Variants in SLC22A23 observed in about 807,000 individuals in gnomAD.
SLC22A23 encodes the protein solute carrier family 22 member 23.
Under a neutral mutation model 61.0 loss-of-function variants are expected in SLC22A23, and 26 were observed. That is an observed-to-expected ratio of 0.43 (90% confidence interval 0.31 to 0.59). SLC22A23 has a LOEUF of 0.59. SLC22A23 is among the 20% of genes least tolerant of loss of function. SLC22A23 has a pLI of 0.11. For synonymous variants in SLC22A23, 430 were observed against 413.9 expected (o/e 1.04, Z -0.47); for missense variants, 796 against 934.7 (o/e 0.85, Z 1.94).
At chr6:3,279,929 C>A (rs1199071816) in intron 9 of SLC22A23, among the ~76,000 whole-genome samples, 9 of 152,124 alleles carry the variant, frequency 5.9e-5, no homozygotes, top group Non-Finnish European at 1.3e-4. Context: ...CTAGAAATGG[C>A]AAACTTCATT....
At chr6:3,311,484 C>A (rs1166516602) in intron 4 of SLC22A23, among the ~76,000 whole-genome samples, 1 of 152,128 alleles carries the variant, frequency 6.6e-6, no homozygotes, top group African/African-American at 2.4e-5. Flanking sequence ...AACTTTTGCA[C>A]AAAATATAAG....
intron 1 of SLC22A23, among the ~76,000 whole-genome samples, chr6:3,436,708 CT>C (rs1462714788): frequency 6.6e-6 from 1 of 152,236 alleles, no homozygotes; most frequent in Non-Finnish European, 1.5e-5. Context: ...TCCAAGCACA[CT>C]CACAGATCCA....
chr6:3,344,771 C>T (rs1764330361), intron 3 of SLC22A23, among the ~76,000 whole-genome samples: 1 of 152,190 alleles, frequency 6.6e-6, no homozygotes, highest in East Asian at 1.9e-4. Flanking sequence ...ACATTTTGGT[C>T]CTTATAATTT....
rs1330148797 is a variant in SLC22A23, at chr6:3,329,558, G to T, written c.914-5556C>A. 6.6e-6 allele frequency among the ~76,000 whole-genome samples: 1 copy of T among 152,174 alleles called. No homozygotes were observed. Among genetic ancestry groups the T allele is most frequent in the Non-Finnish European group, 1.5e-5 (1 of 68,036 alleles). On this transcript the variant is annotated intron_variant, in intron 3 of 9. Transcript: ENST00000406686. The surrounding 1 kb of genome is among the most constrained non-coding windows in gnomAD (Gnocchi z 4.8). ...TGCCATGCAGGGTATGGGATGAGGC[G>T]CCCGCTCTGGCCTAGAGGTGGGGGT...
chr6:3,325,561 C>G (rs747134930), intron 3 of SLC22A23, among the ~76,000 whole-genome samples: 1 of 152,226 alleles, frequency 6.6e-6, no homozygotes, highest in Non-Finnish European at 1.5e-5. Context: ...ATGGCTCACT[C>G]TCAGCCATTT....
rs888533085 is a variant in SLC22A23, at chr6:3,410,871, C to T, written c.759-529G>A. 1.2e-4 allele frequency among the ~76,000 whole-genome samples: 18 copies of T among 152,206 alleles called. No individual in the cohort carries two copies. Among genetic ancestry groups the T allele is most frequent in the African/African-American group, 4.1e-4 (17 of 41,458 alleles). On this transcript the variant is annotated intron_variant, in intron 2 of 9. Coordinates refer to ENST00000406686, the MANE Select transcript of SLC22A23 (RefSeq NM_015482.2). The surrounding 1 kb of genome is among the most constrained non-coding windows in gnomAD (Gnocchi z 5.0). ...CAAGCCATCTGTCAATTTGTTTCAG[C>T]TACACGACGAGAAGTAATTTTTAAG...
intron 1 of SLC22A23, among the ~76,000 whole-genome samples, chr6:3,434,270 G>T (rs962143556): frequency 6.6e-6 from 1 of 152,024 alleles, no homozygotes; most frequent in African/African-American, 2.4e-5. Context: ...CTGAGATCAC[G>T]CCACTGTACT....
chr6:3,294,820 T>C (rs1164883448), intron 5 of SLC22A23, among the ~76,000 whole-genome samples: 1 of 152,210 alleles, frequency 6.6e-6, no homozygotes, highest in East Asian at 1.9e-4. Flanking sequence ...TGCTAGGAGA[T>C]AAACCAAGGA....
chr6:3,326,373 G>A (rs1309751978), intron 3 of SLC22A23, among the ~76,000 whole-genome samples: 2 of 152,116 alleles, frequency 1.3e-5, no homozygotes, highest in East Asian at 1.9e-4. Context: ...GATCACATGC[G>A]AGCTTGTTAG....
intron 1 of SLC22A23, among the ~76,000 whole-genome samples, chr6:3,431,905 C>T (rs1770888692): frequency 1.3e-5 from 2 of 152,146 alleles, no homozygotes; most frequent in Non-Finnish European, 2.9e-5. Flanking sequence ...TGGGGGATTG[C>T]AGGTGGTTGT....
intron 9 of SLC22A23, among the ~76,000 whole-genome samples, chr6:3,278,700 T>A (rs1483433245): frequency 1.3e-5 from 2 of 152,224 alleles, no homozygotes; most frequent in African/African-American, 4.8e-5. Flanking sequence ...AATCCTTCTG[T>A]AAGATGAAGA....
chr6:3,365,181 G>A (rs9503562), intron 3 of SLC22A23, among the ~76,000 whole-genome samples: 46,872 of 151,998 alleles, frequency 0.31, 7,928 homozygotes, highest in East Asian at 0.52. Flanking sequence ...ATTTAGCTGG[G>A]CATGGTGGCA....
In SLC22A23 at chr6:3,322,410, C is replaced by T. The variant is rs745831803; in HGVS notation, c.1082+1424G>A. On this transcript the variant is annotated intron_variant, in intron 4 of 9. Transcript: ENST00000406686. The surrounding 1 kb of genome is among the most constrained non-coding windows in gnomAD (Gnocchi z 4.1). ...CCCACTCCATCCTTCTCCAGGGAAA[C>T]TATTGCTCATTCTCCGCTCCTTAAG... 6.6e-6 allele frequency among the ~76,000 whole-genome samples: 1 copy of T among 152,236 alleles called. No homozygotes were observed. The highest frequency in any genetic ancestry group is 6.5e-5 in the Admixed American group (1 of 15,292).
rs1758338954 is a variant in SLC22A23, at chr6:3,269,516, G to A, written c.*3539C>T. On this transcript the variant is annotated 3_prime_UTR_variant, in exon 10 of 10. Transcript: ENST00000406686. ...ATTTACATACAAATTTTCCCCAAAG[G>A]TACAACAGATGCGACACCATGCAGA... 2 of 152,932 alleles carry A rather than the reference G, an allele frequency of 1.3e-5. No individual in the cohort carries two copies. Among genetic ancestry groups the A allele is most frequent in the South Asian group, 4.1e-4 (2 of 4,828 alleles). 9.5% of individuals were successfully genotyped at this position (152,932 alleles called of 1,614,324 possible).
At position 3,456,442 on chromosome 6, in the gene SLC22A23, C is replaced by A; in HGVS notation, c.118G>T (p.Gly40Ter). The change falls in exon 1 of 10, where the codon GGA becomes TGA. Residue 40 changes from glycine to a stop codon, truncating the protein, a stop_gained. Coordinates refer to ENST00000406686, the MANE Select transcript of SLC22A23 (RefSeq NM_015482.2). LOFTEE classifies it high-confidence loss of function. The surrounding 1 kb of genome is among the most constrained non-coding windows in gnomAD (Gnocchi z 7.1). The part of the protein sequence containing the change: ...GDAAASAPLG[G>*]RAGPGGGAEI... ...GCGCCGCCGCCGGGGCCCGCGCGTC[C>A]CCCGAGGGGCGCCGAGGCCGCCGCG... 8.1e-7 allele frequency: 1 copy of A among 1,241,482 alleles called. No individual in the cohort carries two copies. The highest frequency in any genetic ancestry group is 3.6e-5 in the South Asian group (1 of 27,424). The allele number at this position is 1,241,482 out of a possible 1,614,324, so 76.9% of individuals were successfully genotyped here.
At chr6:3,381,725 A>T (rs987470046) in intron 3 of SLC22A23, among the ~76,000 whole-genome samples, 2 of 152,146 alleles carry the variant, frequency 1.3e-5, no homozygotes, top group African/African-American at 4.8e-5. Context: ...GTGAGAATGG[A>T]ATCAGGAGAA....
chr6:3,369,540 A>C (rs1766066348), intron 3 of SLC22A23, among the ~76,000 whole-genome samples: 1 of 152,062 alleles, frequency 6.6e-6, no homozygotes, highest in African/African-American at 2.4e-5. Flanking sequence ...AAAATACAAA[A>C]ATTAGCCGGG....
In SLC22A23 at chr6:3,372,274, TC is replaced by T. The variant is rs1240528377; in HGVS notation, c.913+37913del. Among the ~76,000 whole-genome samples, 1 of 152,156 alleles carries T rather than the reference TC, an allele frequency of 6.6e-6. No individual in the cohort carries two copies. The highest frequency in any genetic ancestry group is 2.4e-5 in the African/African-American group (1 of 41,440). On this transcript the variant is annotated intron_variant, in intron 3 of 9. Coordinates refer to ENST00000406686, the MANE Select transcript of SLC22A23 (RefSeq NM_015482.2). The surrounding 1 kb of genome is among the most constrained non-coding windows in gnomAD (Gnocchi z 4.7). Reference sequence around the variant, plus strand: ...CCATCGGGCCAGTAAATCTTGTCCATCTAGTGTTTCAAAGTAGGGTATGAAT... The same window carrying T: ...CCATCGGGCCAGTAAATCTTGTCCATTAGTGTTTCAAAGTAGGGTATGAAT...
chr6:3,356,227 C>T (rs1415591436), intron 3 of SLC22A23, among the ~76,000 whole-genome samples: 2 of 150,486 alleles, frequency 1.3e-5, no homozygotes, highest in Non-Finnish European at 3.0e-5. Flanking sequence ...CGTGCTCTCT[C>T]GGGAGGGCCC....
Sources: allele counts gnomAD v4.1 joint callset (sites outside exome capture counted in the v4.1 genomes callset), GRCh38; gene constraint gnomAD v4.1.1; non-coding constraint Gnocchi (gnomAD v3.1); transcripts MANE v1.5; gene names NCBI Gene and HGNC (gene_info 2026-07-23, HGNC 2026-07-21).